FRMD8: variants seen among roughly 807,000 people sequenced by gnomAD.
FRMD8 encodes the protein FERM domain containing 8, also known as FERM domain-containing protein 8.
Under a neutral mutation model 54.2 loss-of-function variants are expected in FRMD8, and 37 were observed. That is an observed-to-expected ratio of 0.68 (90% CI 0.53 to 0.90). The LOEUF (loss-of-function observed/expected upper bound fraction) is 0.90, where lower values mean the gene tolerates loss of function less well. FRMD8 is among the 40% of genes least tolerant of loss of function. The pLI is 0.00. For synonymous variants in FRMD8, 246 were observed against 286.9 expected (o/e 0.86, Z 1.44); for missense variants, 585 against 653.7 (o/e 0.89, Z 1.15).
rs1479399971 is a variant in FRMD8 at position 65,413,312 on chromosome 11, G to A, written c.*1952G>A. ...GATTCCAGGCGAATTCTTCTCTGATGGGCGGGCGAGGGTGTGTTCGTGTGA... is the reference window on the plus strand; with the variant it reads ...GATTCCAGGCGAATTCTTCTCTGATAGGCGGGCGAGGGTGTGTTCGTGTGA... On this transcript the variant is annotated 3_prime_UTR_variant, in exon 11 of 11. Coordinates refer to ENST00000317568, the MANE Select transcript of FRMD8 (RefSeq NM_031904.5). The A allele has an allele frequency of 6.6e-6, 1 of 152,226 alleles. No individual in the cohort carries two copies. Among genetic ancestry groups the A allele is most frequent in the Non-Finnish European group, 1.5e-5 (1 of 68,078 alleles). 9.4% of individuals were successfully genotyped at this position (152,226 alleles called of 1,614,324 possible). A position where few individuals can be genotyped will look rare whatever the true frequency, so the allele number is the denominator to read the frequency against.
At position 65,387,128 on chromosome 11, in the gene FRMD8, C is replaced by A; in HGVS notation, c.85+7C>A. 2 of 1,603,316 alleles carry A rather than the reference C, an allele frequency of 1.2e-6. No individual in the cohort carries two copies. Among genetic ancestry groups the A allele is most frequent in the Non-Finnish European group, 1.7e-6 (2 of 1,179,128 alleles). On this transcript the variant is annotated splice_region_variant and intron_variant, in intron 2 of 10. Transcript: ENST00000317568. ...TCCTCCGTGGGAGCCCGAGGTGGGT[C>A]CCACCCGCATCTCCTCTTCCACACC...
chr11:65,398,931 G>A (rs988643919), intron 7 of FRMD8, among the ~76,000 whole-genome samples: 11 of 151,760 alleles, frequency 7.2e-5, no homozygotes, highest in Non-Finnish European at 1.2e-4. Flanking sequence ...TGAGGGCAAG[G>A]GTGAGCCTGA....
Position 65,394,367 on chromosome 11 carries a change from G to A in FRMD8, c.523G>A (p.Val175Met). Residue 175 changes from valine to methionine, a missense_variant, in exon 6 of 11, where the codon GTG becomes ATG. Val to Met is a conservative substitution (Grantham distance 21, BLOSUM62 1). Transcript: ENST00000317568. ...GGACTGCGAGGCTCTGGGCGCCCTG[G>A]TGTGCCGCGTGCAGCTTGGGCCCTA... ...VEDCEALGALVCRVQLGPYQP... is the reference protein window; with the variant it reads ...VEDCEALGALMCRVQLGPYQP... 6.3e-7 allele frequency: 1 copy of A among 1,576,032 alleles called. No individual in the cohort carries two copies.
chr11:65,396,038 G>A (rs1033676341), intron 6 of FRMD8, among the ~76,000 whole-genome samples: 1 of 152,194 alleles, frequency 6.6e-6, no homozygotes, highest in African/African-American at 2.4e-5. Flanking sequence ...GACCTCTGCA[G>A]TGCCGGGCAC....
chr11:65,393,968 C>A lies in FRMD8; in HGVS notation c.356-73C>A, dbSNP rs554434620. The A allele has an allele frequency of 4.6e-4, 705 of 1,527,964 alleles. No individual in the cohort carries two copies. In the African/African-American group the frequency reaches 7.7e-3, roughly 17 times the overall value. 94.7% of individuals were successfully genotyped at this position (1,527,964 alleles called of 1,614,324 possible). ...TGGTGGGTGAGGTTGGTGGCCAGGG[C>A]CTGGGCCAATCGGGAGAGGGGAGGG... On this transcript the variant is annotated intron_variant, in intron 4 of 10. Transcript: ENST00000317568.
chr11:65,374,779 C>G, the FRMD8 span, among the ~76,000 whole-genome samples: 1 of 152,036 alleles, frequency 6.6e-6, no homozygotes, highest in Non-Finnish European at 1.5e-5. Context: ...ACGGCCTGGG[C>G]AACATAGTGA....
At chr11:65,406,909 C>T (rs1271878815) in intron 10 of FRMD8, among the ~76,000 whole-genome samples, 5 of 151,816 alleles carry the variant, frequency 3.3e-5, no homozygotes, top group Non-Finnish European at 2.9e-5. Context: ...CACTGCACTC[C>T]AGCCTGGGCA....
chr11:65,395,675 G>A (rs1192764817), intron 6 of FRMD8, among the ~76,000 whole-genome samples: 10 of 152,244 alleles, frequency 6.6e-5, no homozygotes, highest in Non-Finnish European at 1.3e-4. Flanking sequence ...CATGTGGGGC[G>A]GGGGAGATGC....
rs1856140671 is a variant in FRMD8 at position 65,404,261 on chromosome 11, A to C, written c.1072-603A>C. ...GCACTCAGGAAATACCTGTGTCCTA[A>C]GGGGTGCCACCCTTTTAACACCCTC... On this transcript the variant is annotated intron_variant, in intron 9 of 10. Transcript: ENST00000317568. This position sits in a 1 kb window ranked among gnomAD's most constrained non-coding sequence, Gnocchi z 4.7. Among the ~76,000 whole-genome samples, 1 of 152,174 alleles carries C rather than the reference A, an allele frequency of 6.6e-6. No homozygotes were observed. The highest frequency in any genetic ancestry group is 2.4e-5 in the African/African-American group (1 of 41,442).
Position 65,399,787 on chromosome 11 carries a change from C to G in FRMD8, c.855C>G (p.His285Gln). The G allele has an allele frequency of 6.2e-7, 1 of 1,614,076 alleles. No individual in the cohort carries two copies. The highest frequency in any genetic ancestry group is 1.3e-5 in the African/African-American group (1 of 75,060). The change falls in exon 8 of 11, where the codon CAC (histidine) becomes CAG (glutamine). Residue 285 changes from histidine to glutamine, a missense_variant. Physicochemically the swap from His to Gln is conservative, Grantham distance 24 (BLOSUM62 0). Transcript: ENST00000317568. ...EVDKPAQGFLHRGGRKPVSVA... is the reference protein window; with the variant it reads ...EVDKPAQGFLQRGGRKPVSVA... ...ACAAGCCGGCCCAAGGCTTTTTGCA[C>G]CGGGGTGGGCGCAAGCCAGTTTCTG...
At chr11:65,388,187 C>A (rs1855771737) in intron 2 of FRMD8, among the ~76,000 whole-genome samples, 1 of 151,572 alleles carries the variant, frequency 6.6e-6, no homozygotes, top group Admixed American at 6.6e-5. Flanking sequence ...AAACAGGGAT[C>A]ATATCATGAT....
intron 10 of FRMD8, among the ~76,000 whole-genome samples, chr11:65,411,009 G>A (rs536123453): frequency 7.9e-5 from 12 of 152,292 alleles, no homozygotes; most frequent in African/African-American, 2.2e-4. Flanking sequence ...GCTTCTCTTG[G>A]CTATGAAGGA....
At chr11:65,383,443 G>C (rs1855665146), upstream of FRMD8, 1 of 152,358 alleles carries the variant, frequency 6.6e-6, no homozygotes, top group African/African-American at 2.4e-5. Flanking sequence ...TCTTATTCCT[G>C]AAACTGCCTT....
rs771144414 is a variant in FRMD8, at chr11:65,387,132, C to G, written c.85+11C>G. 6.2e-7 allele frequency: 1 copy of G among 1,601,378 alleles called. No homozygotes were observed. On this transcript the variant is annotated intron_variant, in intron 2 of 10. Transcript: ENST00000317568. The stretch of plus-strand genomic sequence containing the variant: ...CCGTGGGAGCCCGAGGTGGGTCCCA[C>G]CCGCATCTCCTCTTCCACACCCTCC...
rs1248332531 is a variant in FRMD8, at chr11:65,411,689, G to C, written c.*329G>C. Reference sequence around the variant, plus strand: ...TGCCTTTGTGCCCACCTCAAGATGGGCAGTGTCCCTGTTCTGAAGTGCCCA... The same window carrying C: ...TGCCTTTGTGCCCACCTCAAGATGGCCAGTGTCCCTGTTCTGAAGTGCCCA... On this transcript the variant is annotated 3_prime_UTR_variant, in exon 11 of 11. Transcript: ENST00000317568. The C allele has an allele frequency of 4.5e-6, 1 of 220,194 alleles. No homozygotes were observed. The highest frequency in any genetic ancestry group is 9.0e-6 in the Non-Finnish European group (1 of 111,370). 13.6% of individuals were successfully genotyped at this position (220,194 alleles called of 1,614,324 possible).
chr11:65,382,598 G>T (rs1275926810), upstream of FRMD8: 1 of 154,508 alleles, frequency 6.5e-6, no homozygotes, highest in East Asian at 1.9e-4. This position sits in a 1 kb window ranked among gnomAD's most constrained non-coding sequence, Gnocchi z 4.4. Context: ...TAGGGGTTTT[G>T]ATTATTTAAA....
Position 65,389,392 on chromosome 11 carries a change from C to G in FRMD8, c.117C>G (p.Asp39Glu). 6.2e-7 allele frequency: 1 copy of G among 1,610,806 alleles called. No individual in the cohort carries two copies. Among genetic ancestry groups the G allele is most frequent in the Non-Finnish European group, 8.5e-7 (1 of 1,179,990 alleles). Residue 39 changes from aspartate to glutamate, a missense_variant, in exon 3 of 11, where the codon GAC (aspartate) becomes GAG (glutamate). Coordinates refer to ENST00000317568, the MANE Select transcript of FRMD8 (RefSeq NM_031904.5). Reference protein sequence around the residue: ...AADVLVYLADDTVVPLAVENL... With the variant: ...AADVLVYLADETVVPLAVENL... ...ACGTGCTGGTATACCTAGCGGATGACACGGTGGTGCCCCTGGCTGTGGAGA... is the reference window on the plus strand; with the variant it reads ...ACGTGCTGGTATACCTAGCGGATGAGACGGTGGTGCCCCTGGCTGTGGAGA...
At position 65,404,914 on chromosome 11, in the gene FRMD8, G is replaced by T; in HGVS notation, c.1122G>T (p.Ala374=). 6.2e-7 allele frequency: 1 copy of T among 1,613,270 alleles called. No homozygotes were observed. The highest frequency in any genetic ancestry group is 8.5e-7 in the Non-Finnish European group (1 of 1,180,020). The change falls in exon 10 of 11, where the codon GCG becomes GCT. Residue 374 remains alanine, a synonymous_variant. Coordinates refer to ENST00000317568, the MANE Select transcript of FRMD8 (RefSeq NM_031904.5). The surrounding 1 kb of genome is among the most constrained non-coding windows in gnomAD (Gnocchi z 4.7). ...AGTACTGCATCGAACTGAGCCAGGC[G>T]GCGGAGCCCGCAGGCCCCCAGGACA... ...LIEYCIELSQ[A]AEPAGPQDSA...
the FRMD8 span, among the ~76,000 whole-genome samples, chr11:65,368,364 T>C: frequency 6.6e-6 from 1 of 151,654 alleles, no homozygotes; most frequent in East Asian, 2.0e-4. Flanking sequence ...CATGAGCCAC[T>C]GCGCTTGGCC....
Sources: allele counts gnomAD v4.1 joint callset (sites outside exome capture counted in the v4.1 genomes callset), GRCh38; gene constraint gnomAD v4.1.1; non-coding constraint Gnocchi (gnomAD v3.1); transcripts MANE v1.5; gene names NCBI Gene and HGNC (gene_info 2026-07-23, HGNC 2026-07-21).